Variants in CNTNAP2 observed in about 807,000 individuals in gnomAD.
CNTNAP2 encodes the protein contactin-associated protein-like 2.
CNTNAP2 carries 98 observed loss-of-function variants against 155.2 expected under a neutral mutation model. The observed-to-expected ratio is 0.63, with a 90% CI of 0.54 to 0.75. The LOEUF is 0.75. Ranked by LOEUF, CNTNAP2 falls within the 30% of genes least tolerant of loss-of-function variation. CNTNAP2 has a pLI of 0.00. For synonymous variants in CNTNAP2, 651 were observed against 631.2 expected (o/e 1.03, Z -0.47); for missense variants, 1,727 against 1,688.1 (o/e 1.02, Z -0.40).
At chr7:147,362,287 C>T (rs1359674637) in intron 9 of CNTNAP2, among the ~76,000 whole-genome samples, 1 of 152,116 alleles carries the variant, frequency 6.6e-6, no homozygotes, top group Non-Finnish European at 1.5e-5. Context: ...TGCATGCCAC[C>T]ACACCAGCTA....
intron 2 of CNTNAP2, among the ~76,000 whole-genome samples, chr7:146,828,433 T>G (rs965444797): frequency 6.6e-6 from 1 of 152,050 alleles, no homozygotes; most frequent in Non-Finnish European, 1.5e-5. Flanking sequence ...TCTCAAATTA[T>G]GGAAGTTTTT....
chr7:147,702,307 C>T (rs1390432828), intron 13 of CNTNAP2, among the ~76,000 whole-genome samples: 1 of 151,794 alleles, frequency 6.6e-6, no homozygotes, highest in East Asian at 1.9e-4. Context: ...ATATCTAGTT[C>T]TAGCAATGAA....
intron 1 of CNTNAP2, among the ~76,000 whole-genome samples, chr7:146,530,794 C>T (rs778294400): frequency 9.2e-5 from 14 of 152,206 alleles, no homozygotes; most frequent in Non-Finnish European, 2.1e-4. Context: ...ATTAGTTCAG[C>T]TACTGTAGAA....
intron 13 of CNTNAP2, among the ~76,000 whole-genome samples, chr7:147,810,133 A>G (rs1387113036): frequency 1.3e-5 from 2 of 152,032 alleles, no homozygotes; most frequent in African/African-American, 4.8e-5. Flanking sequence ...GCTAAACCTA[A>G]TTATTTAATT....
chr7:148,362,194 C>T (rs1345363837), intron 21 of CNTNAP2, among the ~76,000 whole-genome samples: 3 of 87,376 alleles, frequency 3.4e-5, no homozygotes, highest in East Asian at 2.8e-4. Flanking sequence ...AGGGAGACTC[C>T]ATCTAAAAAA....
chr7:147,463,323 G>A (rs901739793), intron 10 of CNTNAP2, among the ~76,000 whole-genome samples: 1 of 152,164 alleles, frequency 6.6e-6, no homozygotes, highest in Non-Finnish European at 1.5e-5. Context: ...TTACAACCTT[G>A]AACTTTTTTG....
intron 14 of CNTNAP2, among the ~76,000 whole-genome samples, chr7:147,961,728 C>T (rs1477041981): frequency 6.6e-6 from 1 of 152,122 alleles, no homozygotes; most frequent in African/African-American, 2.4e-5. Flanking sequence ...AGATATTGTG[C>T]ATTTTCATCA....
At chr7:147,290,969 A>G (rs1805293864) in intron 8 of CNTNAP2, among the ~76,000 whole-genome samples, 1 of 152,086 alleles carries the variant, frequency 6.6e-6, no homozygotes. Flanking sequence ...GCAGATCTTA[A>G]AAGTACAATT....
intron 13 of CNTNAP2, among the ~76,000 whole-genome samples, chr7:147,754,643 T>A (rs1172355433): frequency 6.6e-6 from 1 of 152,150 alleles, no homozygotes; most frequent in Non-Finnish European, 1.5e-5. Flanking sequence ...TAGATGAGAA[T>A]ATGGGTTTTT....
chr7:146,778,923 C>T lies in CNTNAP2; in HGVS notation c.208+4542C>T, dbSNP rs144759307. Among the ~76,000 whole-genome samples the T allele has an allele frequency of 4.0e-3, 602 of 152,300 alleles. 3 individuals carry two copies. The highest frequency in any genetic ancestry group is 0.013 in the African/African-American group (549 of 41,570). On this transcript the variant is annotated intron_variant, in intron 2 of 23. Transcript: ENST00000361727. ...GCTTAGTGAGAACACCTGATCTCAA[C>T]GGTTGCTATTAGAATCCCTCTGCTT...
intron 1 of CNTNAP2, among the ~76,000 whole-genome samples, chr7:146,715,287 G>C (rs867832783): frequency 6.6e-6 from 1 of 152,092 alleles, no homozygotes; most frequent in Admixed American, 6.6e-5. Flanking sequence ...AGCAGAGATC[G>C]TGCCATTGCG....
chr7:147,973,418 CT>C (rs1469276356), intron 14 of CNTNAP2, among the ~76,000 whole-genome samples: 1 of 151,858 alleles, frequency 6.6e-6, no homozygotes, highest in Admixed American at 6.6e-5. Context: ...TTCTTTCCCT[CT>C]TTTGTTGATT....
chr7:148,041,876 C>A (rs987520461), intron 15 of CNTNAP2, among the ~76,000 whole-genome samples: 1 of 152,096 alleles, frequency 6.6e-6, no homozygotes, highest in African/African-American at 2.4e-5. Context: ...TATACAATAA[C>A]AAATTATTTT....
intron 1 of CNTNAP2, among the ~76,000 whole-genome samples, chr7:146,582,893 A>G (rs1433592565): frequency 6.7e-6 from 1 of 148,714 alleles, no homozygotes; most frequent in Non-Finnish European, 1.5e-5. Flanking sequence ...TATAATATTA[A>G]TATATTTATG....
chr7:146,938,980 A>C lies in CNTNAP2; in HGVS notation c.402+99076A>C, dbSNP rs887153303. Among the ~76,000 whole-genome samples the C allele has an allele frequency of 5.9e-5, 9 of 152,240 alleles. No homozygotes were observed. In the South Asian group the frequency reaches 1.7e-3, roughly 28 times the overall value. On this transcript the variant is annotated intron_variant, in intron 3 of 23. Coordinates refer to ENST00000361727, the MANE Select transcript of CNTNAP2 (RefSeq NM_014141.6). ...GTTTTAGTGCAGAAAGACATTGTCAATGCAGGCTAGCCTTTACTGTAGGAC... is the reference window on the plus strand; with the variant it reads ...GTTTTAGTGCAGAAAGACATTGTCACTGCAGGCTAGCCTTTACTGTAGGAC...
At chr7:147,599,510 A>G (rs1457680813) in intron 12 of CNTNAP2, among the ~76,000 whole-genome samples, 1 of 149,816 alleles carries the variant, frequency 6.7e-6, no homozygotes, top group Non-Finnish European at 1.5e-5. Context: ...AAAAAATACC[A>G]TGAACTAGGT....
chr7:146,689,470 G>C (rs1454781198), intron 1 of CNTNAP2, among the ~76,000 whole-genome samples: 1 of 151,972 alleles, frequency 6.6e-6, no homozygotes, highest in Non-Finnish European at 1.5e-5. Flanking sequence ...AAAATACAAA[G>C]GAATTTTCTC....
intron 21 of CNTNAP2, among the ~76,000 whole-genome samples, chr7:148,361,178 G>A (rs1192008976): frequency 6.6e-6 from 1 of 152,088 alleles, no homozygotes; most frequent in African/African-American, 2.4e-5. Flanking sequence ...TTCTTGGTTT[G>A]GGTTGAGGGG....
chr7:148,279,748 C>G (rs909343795), intron 21 of CNTNAP2, among the ~76,000 whole-genome samples: 6 of 152,136 alleles, frequency 3.9e-5, no homozygotes, highest in African/African-American at 1.4e-4. Flanking sequence ...CAGAATATAT[C>G]TCCATTATAA....
Sources: gnomAD v4.1 joint callset for allele counts (sites outside exome capture counted in the v4.1 genomes callset) on GRCh38, gnomAD v4.1.1 for gene constraint, MANE v1.5 for transcripts, NCBI Gene and HGNC (gene_info 2026-07-23, HGNC 2026-07-21) for gene names.